Variants in PDK2 observed in about 807,000 individuals in gnomAD.
The protein encoded by PDK2 is pyruvate dehydrogenase kinase 2.
A neutral mutation model predicts 50.4 loss-of-function variants in PDK2; 34 were observed. The ratio of observed to expected loss-of-function variants is 0.68; its 90% CI spans 0.51 to 0.90. The LOEUF (loss-of-function observed/expected upper bound fraction) is 0.90, where lower values mean the gene tolerates loss of function less well. PDK2 is among the 40% of genes least tolerant of loss of function. PDK2 has a pLI of 0.00. For synonymous variants in PDK2, 232 were observed against 216.0 expected (o/e 1.07, Z -0.65); for missense variants, 377 against 544.5 (o/e 0.69, Z 3.06).
At chr17:50,108,052 C>T (rs1598215122) in intron 6 of PDK2, 104 bp from the exon 7 acceptor site, 2 of 863,352 alleles carry the variant, frequency 2.3e-6, no homozygotes, top group Non-Finnish European at 3.8e-6. Flanking sequence ...GCTGGGCAGC[C>T]ATGTACTCAG....
intron 6 of PDK2, chr17:50,107,931 G>T (rs867607759): frequency 3.5e-6 from 2 of 570,564 alleles, no homozygotes; most frequent in Non-Finnish European, 6.3e-6. Context: ...TTCAGTTCTA[G>T]CCTGGAGGAA....
rs1180347248 is a variant in PDK2, at chr17:50,109,679, A to C, written c.1084-278A>C. Among the ~76,000 whole-genome samples the C allele has an allele frequency of 6.6e-6, 1 of 152,102 alleles. No individual in the cohort carries two copies. The highest frequency in any genetic ancestry group is 1.5e-5 in the Non-Finnish European group (1 of 68,006). ...AGACCCAGAAGGAAGGGGACACCCTAGGTCTTGCCATTCAGTTCAGAGGAG... is the reference window on the plus strand; with the variant it reads ...AGACCCAGAAGGAAGGGGACACCCTCGGTCTTGCCATTCAGTTCAGAGGAG... On this transcript the variant is annotated intron_variant, in intron 10 of 10. Coordinates refer to ENST00000503176, the MANE Select transcript of PDK2 (RefSeq NM_002611.5). This position sits in a 1 kb window ranked among gnomAD's most constrained non-coding sequence, Gnocchi z 5.0.
At position 50,103,067 on chromosome 17, in the gene PDK2, C is replaced by T. The variant is rs578220714; in HGVS notation, c.261-2304C>T. On this transcript the variant is annotated intron_variant, in intron 2 of 10. Coordinates refer to ENST00000503176, the MANE Select transcript of PDK2 (RefSeq NM_002611.5). ...GGCAGATGAGAGACCCTGTGTGGGA[C>T]TCGGCACAAGTGGGTGTTAGTGGTC... Among the ~76,000 whole-genome samples the T allele has an allele frequency of 7.2e-5, 11 of 152,372 alleles. No homozygotes were observed. In the South Asian group the frequency reaches 8.3e-4, roughly 11 times the overall value.
intron 3 of PDK2, 26 bp downstream of exon 3, chr17:50,105,468 G>A (rs755173011): frequency 4.0e-5 from 64 of 1,605,688 alleles, no homozygotes; most frequent in Non-Finnish European, 5.3e-5. Context: ...GGGTGGGGCA[G>A]GAAGGCAGGT....
chr17:50,111,213 C>T lies in PDK2; in HGVS notation c.*1116C>T, dbSNP rs912333012. The T allele has an allele frequency of 5.9e-5, 9 of 152,324 alleles. No individual in the cohort carries two copies. Among genetic ancestry groups the T allele is most frequent in the African/African-American group, 2.2e-4 (9 of 41,478 alleles). 9.4% of individuals were successfully genotyped at this position (152,324 alleles called of 1,614,324 possible). ...ACTGGGCAAAGCCATCTGTTCAGAA[C>T]GCCGGATGGCCCAGCACCTGGTGAC... On this transcript the variant is annotated 3_prime_UTR_variant, in exon 11 of 11. Coordinates refer to ENST00000503176, the MANE Select transcript of PDK2 (RefSeq NM_002611.5).
intron 2 of PDK2, chr17:50,097,770 G>A: frequency 1.8e-6 from 1 of 550,682 alleles, no homozygotes; most frequent in Non-Finnish European, 3.2e-6. Flanking sequence ...TAGTCTCTGT[G>A]TCTAGCCCTC....
At chr17:50,107,585 A>C (rs2144370728) in intron 6 of PDK2, among the ~76,000 whole-genome samples, 1 of 152,336 alleles carries the variant, frequency 6.6e-6, no homozygotes, top group East Asian at 1.9e-4. Flanking sequence ...CATCTCAAAC[A>C]AATAAGAAAT....
chr17:50,095,296 T>G (rs1909869297), upstream of PDK2: 1 of 592,234 alleles, frequency 1.7e-6, no homozygotes, highest in Admixed American at 3.2e-5. Flanking sequence ...CGAGGCGCCA[T>G]GACGAGCCGA....
At chr17:50,102,185 G>A (rs1232865765) in intron 2 of PDK2, among the ~76,000 whole-genome samples, 1 of 152,212 alleles carries the variant, frequency 6.6e-6, no homozygotes, top group East Asian at 1.9e-4. Context: ...GCAAGGCCAG[G>A]GACCTCGGGG....
chr17:50,105,812 AC>A (rs912791706), intron 3 of PDK2, 72 bp from the exon 4 acceptor site: 1 of 1,544,236 alleles, frequency 6.5e-7, no homozygotes, highest in African/African-American at 1.4e-5. Context: ...GGGTGAAGAC[AC>A]CGTGGAGAGG....
intron 2 of PDK2, chr17:50,100,617 GATA>G (rs1235636605): frequency 6.6e-6 from 1 of 152,252 alleles, no homozygotes; most frequent in Non-Finnish European, 1.5e-5. Flanking sequence ...AATAAATCAT[GATA>G]ATAACAAAAG....
intron 1 of PDK2, 33 bp from the exon 2 acceptor site, chr17:50,097,390 G>T: frequency 6.2e-7 from 1 of 1,610,174 alleles, no homozygotes. Flanking sequence ...CATAGTCTGT[G>T]GCTCTGTGGC....
chr17:50,097,445 A>G lies in PDK2; in HGVS notation c.141A>G (p.Lys47=), dbSNP rs747435323. The G allele has an allele frequency of 8.1e-6, 13 of 1,613,770 alleles. No homozygotes were observed. The highest frequency in any genetic ancestry group is 1.1e-5 in the South Asian group (1 of 91,078). The stretch of plus-strand genomic sequence containing the variant: ...CAGGATCCAGCAATGCCTGTGAGAA[A>G]ACCTCCTTCACCTTCCTCAGGCAGG... The part of the protein sequence containing the change: ...LDFGSSNACE[K]TSFTFLRQEL... Residue 47 remains lysine (K), a synonymous_variant, in exon 2 of 11, where the codon AAA becomes AAG. Coordinates refer to ENST00000503176, the MANE Select transcript of PDK2 (RefSeq NM_002611.5).
rs368451005 is a variant in PDK2, at chr17:50,110,135, C to T, written c.*38C>T. The T allele has an allele frequency of 2.3e-5, 36 of 1,546,478 alleles. No individual in the cohort carries two copies. In the South Asian group the frequency reaches 2.5e-4, roughly 11 times the overall value. ...ATCTGCACCTGAGAGGACGGACTGC[C>T]GCCTCTGGGTCCCCCCACCGTGGTG... On this transcript the variant is annotated 3_prime_UTR_variant, in exon 11 of 11. Transcript: ENST00000503176.
chr17:50,109,456 G>C lies in PDK2; in HGVS notation c.1083+56G>C. ...AGAAGAGCTTTGCTGATAGGACCTG[G>C]GCAGCCTTGGCCAGCTGCGAGCTTT... is the stretch of plus-strand genomic sequence containing the variant. On this transcript the variant is annotated intron_variant, in intron 10 of 10. Coordinates refer to ENST00000503176, the MANE Select transcript of PDK2 (RefSeq NM_002611.5). The surrounding 1 kb of genome is among the most constrained non-coding windows in gnomAD (Gnocchi z 5.0). 2 of 1,149,698 alleles carry C rather than the reference G, an allele frequency of 1.7e-6. No homozygotes were observed. Among genetic ancestry groups the C allele is most frequent in the Non-Finnish European group, 1.3e-6 (1 of 790,026 alleles). 71.2% of individuals were successfully genotyped at this position (1,149,698 alleles called of 1,614,324 possible). A position where few individuals can be genotyped will look rare whatever the true frequency, so the allele number is the denominator to read the frequency against.
chr17:50,105,835 C>G (rs1340176813), intron 3 of PDK2, 50 bp from the exon 4 acceptor site: 6 of 1,586,480 alleles, frequency 3.8e-6, no homozygotes, highest in Non-Finnish European at 5.1e-6. Context: ...GAGTCAGAAG[C>G]GGAGAAGAGT....
In PDK2 at chr17:50,097,533, A is replaced by G; in HGVS notation, c.229A>G (p.Ser77Gly). 2.5e-6 allele frequency: 4 copies of G among 1,613,754 alleles called. No individual in the cohort carries two copies. The highest frequency in any genetic ancestry group is 3.4e-6 in the Non-Finnish European group (4 of 1,180,014). Residue 77 changes from serine to glycine, a missense_variant, in exon 2 of 11, where the codon AGC becomes GGC. Around this residue, in one of 3 missense-constraint regions of PDK2, gnomAD observed 100 missense variants for 115.5 expected, o/e 0.87. Coordinates refer to ENST00000503176, the MANE Select transcript of PDK2 (RefSeq NM_002611.5). ...EINLLPDRVL[S>G]TPSVQLVQSW... ...CAACCTGCTTCCCGACCGAGTGCTG[A>G]GCACACCCTCCGTGCAGCTGGTGCA...
rs532447778 is a variant in PDK2, at chr17:50,111,793, G to C, written c.*1696G>C. The C allele has an allele frequency of 6.6e-6, 1 of 152,098 alleles. No individual in the cohort carries two copies. Among genetic ancestry groups the C allele is most frequent in the East Asian group, 1.9e-4 (1 of 5,136 alleles). The allele number at this position is 152,098 out of a possible 1,614,324, so 9.4% of individuals were successfully genotyped here. A position where few individuals can be genotyped will look rare whatever the true frequency, so the allele number is the denominator to read the frequency against. On this transcript the variant is annotated 3_prime_UTR_variant, in exon 11 of 11. Coordinates refer to ENST00000503176, the MANE Select transcript of PDK2 (RefSeq NM_002611.5). ...GACACATGCTGTCCCCAGGCTGCTG[G>C]TAAACTCCACCCCCATCCAGGGAGC...
chr17:50,108,506 G>A (rs1421616301), intron 8 of PDK2, 89 bp downstream of exon 8: 3 of 1,371,524 alleles, frequency 2.2e-6, no homozygotes, highest in African/African-American at 1.4e-5. Context: ...CTCCTACATG[G>A]TGGGCAGATC....
Sources: allele counts gnomAD v4.1 joint callset (sites outside exome capture counted in the v4.1 genomes callset), GRCh38; gene constraint gnomAD v4.1.1; regional missense constraint gnomAD v4.1.1; non-coding constraint Gnocchi (gnomAD v3.1); transcripts MANE v1.5; gene names NCBI Gene and HGNC (gene_info 2026-07-23, HGNC 2026-07-21).